The following NIPAL3 variants were observed in gnomAD, a reference collection of about 807,000 sequenced individuals.
NIPAL3 encodes NIPA like domain containing 3, also known as NIPA-like protein 3.
In NIPAL3, 41 loss-of-function variants were observed where a neutral mutation model predicts 47.2. The ratio of observed to expected loss-of-function variants is 0.87; its 90% CI spans 0.68 to 1.13. The LOEUF is 1.13. Among genes scored for constraint, NIPAL3 ranks in the 50% most tolerant of loss-of-function variants. NIPAL3 has a pLI of 0.00. For missense variants in NIPAL3, 449 were observed against 530.1 expected (o/e 0.85, Z 1.50); for synonymous variants, 194 against 209.6 (o/e 0.93, Z 0.64).
In NIPAL3 at chr1:24,470,200, C is replaced by T. The variant is rs1273460640; in HGVS notation, c.*1015C>T. ...GGTCCTCATCCCCATGCATATATGT[C>T]TGGGAGAAGCAAGCATTCTCCAAAA... On this transcript the variant is annotated 3_prime_UTR_variant, in exon 12 of 12. Coordinates refer to ENST00000374399, the MANE Select transcript of NIPAL3 (RefSeq NM_020448.5). The T allele has an allele frequency of 6.6e-6, 1 of 152,196 alleles. No individual in the cohort carries two copies. Among genetic ancestry groups the T allele is most frequent in the East Asian group, 1.9e-4 (1 of 5,196 alleles). 9.4% of individuals were successfully genotyped at this position (152,196 alleles called of 1,614,324 possible). A position where few individuals can be genotyped will look rare whatever the true frequency, so the allele number is the denominator to read the frequency against.
chr1:24,441,906 G>A (rs1375445735), intron 3 of NIPAL3, 149 bp from the exon 4 acceptor site: 1 of 705,436 alleles, frequency 1.4e-6, no homozygotes, highest in Middle Eastern at 3.4e-4. Context: ...GATCCCCACT[G>A]TCTTACTCTT....
At position 24,432,967 on chromosome 1, in the gene NIPAL3, C is replaced by CT. The variant is rs1226904813; in HGVS notation, c.94-7204dup. The CT allele has an allele frequency of 3.3e-5, 5 of 152,206 alleles. No individual in the cohort carries two copies. In the South Asian group the frequency reaches 6.2e-4, roughly 19 times the overall value. 9.4% of individuals were successfully genotyped at this position (152,206 alleles called of 1,614,324 possible). On this transcript the variant is annotated intron_variant, in intron 2 of 11. Transcript: ENST00000374399. ...GCCCTATTGTTAATGATGGATGACT[C>CT]TAACTATGATAGCTAATATTTATTG...
intron 2 of NIPAL3, among the ~76,000 whole-genome samples, chr1:24,437,018 G>A (rs1470701477): frequency 3.9e-5 from 6 of 152,084 alleles, no homozygotes; most frequent in African/African-American, 1.4e-4. Flanking sequence ...TTGGGAGGCC[G>A]AAGCGGTCGG....
intron 2 of NIPAL3, among the ~76,000 whole-genome samples, chr1:24,420,407 C>T (rs898773405): frequency 3.9e-5 from 6 of 151,960 alleles, no homozygotes; most frequent in African/African-American, 9.7e-5. Flanking sequence ...GAGGCTGAGA[C>T]GGGAGGATTG....
In NIPAL3 at chr1:24,438,475, G is replaced by A. The variant is rs190383332; in HGVS notation, c.94-1697G>A. Among the ~76,000 whole-genome samples the A allele has an allele frequency of 6.8e-3, 1,033 of 152,308 alleles. 2 individuals carry two copies. The highest frequency in any genetic ancestry group is 0.013 in the African/African-American group (533 of 41,562). The stretch of plus-strand genomic sequence containing the variant: ...CCTCTCGGTCCTCCTGCCCTCTCCC[G>A]TCCCTGGCCAACTGCCCCTTCTCAG... On this transcript the variant is annotated intron_variant, in intron 2 of 11. Transcript: ENST00000374399.
At chr1:24,460,216 A>C (rs1646405814) in intron 9 of NIPAL3, among the ~76,000 whole-genome samples, 1 of 151,946 alleles carries the variant, frequency 6.6e-6, no homozygotes, top group South Asian at 2.1e-4. Context: ...GTGCATGGGA[A>C]CTCTACACCA....
chr1:24,444,590 A>C (rs1331370926), intron 4 of NIPAL3, among the ~76,000 whole-genome samples: 1 of 152,334 alleles, frequency 6.6e-6, no homozygotes, highest in South Asian at 2.1e-4. Context: ...ATCCAAGGAC[A>C]CACAGCCAGA....
At chr1:24,466,323 A>C (rs6670864) in intron 11 of NIPAL3, 69 of 364,428 alleles carry the variant, frequency 1.9e-4, no homozygotes, top group African/African-American at 1.3e-3. Context: ...TAAATAAATA[A>C]ATAAAAGAAC....
chr1:24,468,705 C>T (rs557915786), intron 11 of NIPAL3, among the ~76,000 whole-genome samples: 6 of 152,308 alleles, frequency 3.9e-5, no homozygotes, highest in Admixed American at 6.5e-5. Context: ...GGGCCCACAC[C>T]GACATTCCCA....
Position 24,416,174 on chromosome 1 carries a change from C to A in NIPAL3, c.-258+270C>A, listed in dbSNP as rs954639566. Reference sequence around the variant, plus strand: ...CATGGAGTTAACTTTGCCAGAATTTCTCCTCTTCGTGCCGAGCGGCTCGGG... The same window carrying A: ...CATGGAGTTAACTTTGCCAGAATTTATCCTCTTCGTGCCGAGCGGCTCGGG... On this transcript the variant is annotated intron_variant, in intron 1 of 11. Transcript: ENST00000374399. This position sits in a 1 kb window ranked among gnomAD's most constrained non-coding sequence, Gnocchi z 4.8. 2.8e-5 allele frequency: 28 copies of A among 985,558 alleles called. No homozygotes were observed. In the South Asian group the frequency reaches 1.0e-3, roughly 36 times the overall value. The allele number at this position is 985,558 out of a possible 1,614,324, so 61.1% of individuals were successfully genotyped here.
At chr1:24,436,166 C>T (rs1002471402) in intron 2 of NIPAL3, among the ~76,000 whole-genome samples, 1 of 152,134 alleles carries the variant, frequency 6.6e-6, no homozygotes, top group African/African-American at 2.4e-5. Flanking sequence ...CGGGCACAAA[C>T]ATTCAGATGT....
intron 2 of NIPAL3, chr1:24,433,071 C>T (rs984423101): frequency 9.9e-5 from 15 of 152,250 alleles, no homozygotes; most frequent in Admixed American, 3.3e-4. Context: ...TGCTTTGTTA[C>T]TTCCATGGGT....
intron 6 of NIPAL3, among the ~76,000 whole-genome samples, chr1:24,452,917 G>T (rs1326394186): frequency 2.7e-5 from 4 of 149,070 alleles, no homozygotes; most frequent in Non-Finnish European, 4.4e-5. Context: ...GGCCAGGCTG[G>T]TCTCGAACTC....
chr1:24,440,213 C>T lies in NIPAL3; in HGVS notation c.135C>T (p.Leu45=), dbSNP rs865934081. Residue 45 remains leucine (L), a synonymous_variant, in exon 3 of 12, where the codon CTC becomes CTT. Coordinates refer to ENST00000374399, the MANE Select transcript of NIPAL3 (RefSeq NM_020448.5). ...IGALLAIFGH[L]VVSIALNLQK... Reference sequence around the variant, plus strand: ...CCCTCTTGGCGATCTTCGGGCACCTCGTGGTCAGCATTGCACTTAACCTCC... The same window carrying T: ...CCCTCTTGGCGATCTTCGGGCACCTTGTGGTCAGCATTGCACTTAACCTCC... 6.9e-6 allele frequency: 11 copies of T among 1,597,198 alleles called. No homozygotes were observed. The highest frequency in any genetic ancestry group is 1.3e-5 in the African/African-American group (1 of 74,200).
intron 8 of NIPAL3, among the ~76,000 whole-genome samples, chr1:24,456,582 C>T (rs1285372890): frequency 6.6e-6 from 1 of 152,046 alleles, no homozygotes; most frequent in African/African-American, 2.4e-5. Context: ...GAAACCCCGT[C>T]TTTACTAAAA....
In NIPAL3 at chr1:24,472,025, T is replaced by C. The variant is rs1646923234; in HGVS notation, c.*2840T>C. On this transcript the variant is annotated 3_prime_UTR_variant, in exon 12 of 12. Coordinates refer to ENST00000374399, the MANE Select transcript of NIPAL3 (RefSeq NM_020448.5). ...TTCCTTCCCTTTTTTTTTTTTTTTT[T>C]TGGTATGGGCCTTTTAGGCTTGGGC... The C allele has an allele frequency of 2.4e-5, 3 of 127,186 alleles. No individual in the cohort carries two copies. In the Admixed American group the frequency reaches 2.6e-4, roughly 11 times the overall value. The allele number at this position is 127,186 out of a possible 1,614,324, so 7.9% of individuals were successfully genotyped here.
intron 2 of NIPAL3, among the ~76,000 whole-genome samples, chr1:24,436,299 G>GTT (rs773888855): frequency 7.4e-5 from 11 of 147,726 alleles, no homozygotes; most frequent in African/African-American, 2.7e-4. Flanking sequence ...TGGGGCTTTT[G>GTT]TTTTTTTTTT....
At chr1:24,434,113 G>A (rs958302574) in intron 2 of NIPAL3, among the ~76,000 whole-genome samples, 5 of 152,106 alleles carry the variant, frequency 3.3e-5, no homozygotes, top group African/African-American at 1.2e-4. Context: ...ATTATTAAAT[G>A]TAAGTAGATT....
Position 24,454,449 on chromosome 1 carries a change from G to A in NIPAL3, c.637+945G>A. 1.0e-6 allele frequency: 1 copy of A among 996,394 alleles called. No individual in the cohort carries two copies. Among genetic ancestry groups the A allele is most frequent in the Non-Finnish European group, 1.2e-6 (1 of 836,400 alleles). The allele number at this position is 996,394 out of a possible 1,614,324, so 61.7% of individuals were successfully genotyped here. A position where few individuals can be genotyped will look rare whatever the true frequency, so the allele number is the denominator to read the frequency against. On this transcript the variant is annotated intron_variant, in intron 7 of 11. Transcript: ENST00000374399. This position sits in a 1 kb window ranked among gnomAD's most constrained non-coding sequence, Gnocchi z 4.1. ...TGAGATGTGCACAGGTGGCTAATAT[G>A]TGCATTTTTCTTCCAACCTTCCTAC...
Sources: gnomAD v4.1 joint callset for allele counts (sites outside exome capture counted in the v4.1 genomes callset) on GRCh38, gnomAD v4.1.1 for gene constraint, Gnocchi (gnomAD v3.1) non-coding constraint, MANE v1.5 for transcripts, NCBI Gene and HGNC (gene_info 2026-07-23, HGNC 2026-07-21) for gene names.